MCTP2: variants seen among roughly 807,000 people sequenced by gnomAD.
The protein encoded by MCTP2 is multiple C2 and transmembrane domain containing 2.
Under a neutral mutation model 111.6 loss-of-function variants are expected in MCTP2, and 132 were observed. The ratio of observed to expected loss-of-function variants is 1.18; its 90% CI spans 1.03 to 1.37. MCTP2 has a LOEUF of 1.37. Among genes scored for constraint, MCTP2 ranks in the 40% most tolerant of loss-of-function variants. The probability of loss-of-function intolerance (pLI) is 0.00; values close to 1 mark genes in which losing one functional copy is unlikely to be tolerated. For synonymous variants in MCTP2, 395 were observed against 387.7 expected (o/e 1.02, Z -0.22); for missense variants, 1,183 against 1,067.9 (o/e 1.11, Z -1.50).
chr15:94,374,737 G>A (rs1361991855), intron 12 of MCTP2, among the ~76,000 whole-genome samples: 2 of 152,082 alleles, frequency 1.3e-5, no homozygotes, highest in African/African-American at 4.8e-5. Context: ...CCCTTACCCT[G>A]TTCCTCCCAG....
intron 19 of MCTP2, among the ~76,000 whole-genome samples, chr15:94,455,516 C>G (rs1245885816): frequency 6.6e-6 from 1 of 152,052 alleles, no homozygotes; most frequent in Non-Finnish European, 1.5e-5. Flanking sequence ...GGGCTCACTG[C>G]AACCTCTGAC....
chr15:94,264,833 A>AAT (rs1312716594), intron 1 of MCTP2, among the ~76,000 whole-genome samples: 1 of 152,194 alleles, frequency 6.6e-6, no homozygotes, highest in African/African-American at 2.4e-5. Flanking sequence ...CTCATGTATG[A>AAT]GAAGATCAAG....
chr15:94,358,203 GT>G (rs2078733694), intron 9 of MCTP2, among the ~76,000 whole-genome samples: 1 of 152,188 alleles, frequency 6.6e-6, no homozygotes, highest in Non-Finnish European at 1.5e-5. Context: ...CTGTGTATGT[GT>G]GTGTATATAT....
chr15:94,391,149 C>T (rs527954873), intron 14 of MCTP2, among the ~76,000 whole-genome samples: 17 of 152,132 alleles, frequency 1.1e-4, no homozygotes, highest in South Asian at 6.3e-4. Flanking sequence ...CCAGTGTTCT[C>T]GGTGAATCCA....
intron 14 of MCTP2, among the ~76,000 whole-genome samples, chr15:94,397,505 T>G (rs1360160022): frequency 6.6e-6 from 1 of 152,224 alleles, no homozygotes; most frequent in Non-Finnish European, 1.5e-5. Context: ...TAAGTGAGAC[T>G]GTGTATCAAG....
At chr15:94,261,966 T>A (rs1027595467) in intron 1 of MCTP2, among the ~76,000 whole-genome samples, 12 of 152,210 alleles carry the variant, frequency 7.9e-5, no homozygotes, top group African/African-American at 2.9e-4. Flanking sequence ...AAACATTAAT[T>A]TCTTGTATAT....
At chr15:94,349,939 T>A (rs1000090378) in intron 8 of MCTP2, among the ~76,000 whole-genome samples, 1 of 152,168 alleles carries the variant, frequency 6.6e-6, no homozygotes, top group South Asian at 2.1e-4. Context: ...CTATTTATTG[T>A]AGGACTCTAA....
At chr15:94,256,105 G>A (rs934563220) in intron 1 of MCTP2, among the ~76,000 whole-genome samples, 2 of 152,148 alleles carry the variant, frequency 1.3e-5, no homozygotes, top group African/African-American at 2.4e-5. Flanking sequence ...AAGCTTTTGA[G>A]TGCAGACATA....
intron 5 of MCTP2, 74 bp from the exon 6 acceptor site, chr15:94,340,125 C>T: frequency 2.1e-6 from 2 of 972,420 alleles, no homozygotes; most frequent in East Asian, 4.8e-5. Flanking sequence ...CAACCTATTG[C>T]ATTTGTTAAT....
At chr15:94,287,959 G>A (rs1219859234) in intron 1 of MCTP2, among the ~76,000 whole-genome samples, 1 of 152,198 alleles carries the variant, frequency 6.6e-6, no homozygotes, top group Non-Finnish European at 1.5e-5. Flanking sequence ...TACCTTGTGT[G>A]CCTCCTTTAT....
chr15:94,340,213 T>C lies in MCTP2; in HGVS notation c.795T>C (p.Asp265=), dbSNP rs780027308. Residue 265 remains aspartate (D), a synonymous_variant, in exon 6 of 23, where the codon GAT becomes GAC. Transcript: ENST00000357742. ...QKLRVKVYDR[D]LTTSDFMGSA... ...CCTCTTTGTAGGTATATGATCGAGA[T>C]TTAACCACATCTGATTTCATGGGTT... The C allele has an allele frequency of 6.2e-7, 1 of 1,612,658 alleles. No individual in the cohort carries two copies. Among genetic ancestry groups the C allele is most frequent in the Non-Finnish European group, 8.5e-7 (1 of 1,178,860 alleles).
intron 4 of MCTP2, among the ~76,000 whole-genome samples, chr15:94,337,278 G>A (rs530700902): frequency 2.6e-5 from 4 of 151,930 alleles, no homozygotes; most frequent in Non-Finnish European, 5.9e-5. Flanking sequence ...TTTCTTTCAC[G>A]CAACTGCCGC....
At chr15:94,330,126 C>G (rs1406300495) in intron 4 of MCTP2, among the ~76,000 whole-genome samples, 1 of 152,198 alleles carries the variant, frequency 6.6e-6, no homozygotes, top group Admixed American at 6.5e-5. Flanking sequence ...TTGCAAATGG[C>G]AGGATCTCCT....
intron 14 of MCTP2, among the ~76,000 whole-genome samples, chr15:94,387,066 G>T (rs979583852): frequency 1.3e-5 from 2 of 152,036 alleles, no homozygotes; most frequent in African/African-American, 4.8e-5. Context: ...TTTGTGAAAA[G>T]CATTAGCATA....
intron 17 of MCTP2, chr15:94,402,614 T>C: frequency 1.9e-6 from 3 of 1,549,696 alleles, no homozygotes; most frequent in Admixed American, 3.9e-5. Context: ...CACCTAAGTC[T>C]ACCACTGAGA....
At chr15:94,245,124 A>G (rs1416311001) in intron 1 of MCTP2, among the ~76,000 whole-genome samples, 1 of 149,260 alleles carries the variant, frequency 6.7e-6, no homozygotes, top group Non-Finnish European at 1.5e-5. Flanking sequence ...GTATATGTAT[A>G]CACATGTGTA....
At chr15:94,405,736 T>C (rs2081865491) in intron 17 of MCTP2, among the ~76,000 whole-genome samples, 1 of 152,242 alleles carries the variant, frequency 6.6e-6, no homozygotes. Context: ...GTCAAGTTTC[T>C]ATAGACTCAG....
intron 17 of MCTP2, among the ~76,000 whole-genome samples, chr15:94,431,292 AG>A (rs1391641006): frequency 6.6e-6 from 1 of 152,234 alleles, no homozygotes; most frequent in Admixed American, 6.5e-5. Context: ...AATGAGAGAA[AG>A]GTATGTTCAA....
At chr15:94,324,748 A>G (rs2076782857) in intron 4 of MCTP2, among the ~76,000 whole-genome samples, 1 of 152,190 alleles carries the variant, frequency 6.6e-6, no homozygotes, top group African/African-American at 2.4e-5. Context: ...GAATTATGCT[A>G]TGTAATCGCT....
Sources: allele counts gnomAD v4.1 joint callset (sites outside exome capture counted in the v4.1 genomes callset), GRCh38; gene constraint gnomAD v4.1.1; transcripts MANE v1.5; gene names NCBI Gene and HGNC (gene_info 2026-07-23, HGNC 2026-07-21).